The following SLC7A5 variants were observed in gnomAD, a reference collection of about 807,000 sequenced individuals.
SLC7A5 encodes the protein large neutral amino acids transporter small subunit 1.
In SLC7A5, 23 loss-of-function variants were observed where a neutral mutation model predicts 50.2. The ratio of observed to expected loss-of-function variants is 0.46; its 90% CI spans 0.33 to 0.65. The LOEUF (loss-of-function observed/expected upper bound fraction) is 0.65. SLC7A5 is among the 30% of genes least tolerant of loss of function. SLC7A5 has a pLI of 0.02. For synonymous variants in SLC7A5, 393 were observed against 330.6 expected (o/e 1.19, Z -2.05); for missense variants, 578 against 684.4 (o/e 0.84, Z 1.73).
chr16:87,856,812 C>T (rs2055327398), intron 1 of SLC7A5, among the ~76,000 whole-genome samples: 1 of 152,164 alleles, frequency 6.6e-6, no homozygotes. Context: ...CACCATCTCC[C>T]GTGTCATCCC....
At position 87,830,514 on chromosome 16, in the gene SLC7A5, G is replaced by C. The variant is rs1185875059; in HGVS notation, c.*2456C>G. 1.3e-5 allele frequency: 2 copies of C among 152,428 alleles called. No individual in the cohort carries two copies. Among genetic ancestry groups the C allele is most frequent in the African/African-American group, 4.8e-5 (2 of 41,458 alleles). 9.4% of individuals were successfully genotyped at this position (152,428 alleles called of 1,614,324 possible). Reference sequence around the variant, plus strand: ...CCCTGCGGTGGCCCTGGTCCCTGTGGAATTCCAGCACAGCAGGAGGGGGAG... The same window carrying C: ...CCCTGCGGTGGCCCTGGTCCCTGTGCAATTCCAGCACAGCAGGAGGGGGAG... On this transcript the variant is annotated 3_prime_UTR_variant, in exon 10 of 10. Transcript: ENST00000261622.
chr16:87,866,805 G>A (rs949368369), intron 1 of SLC7A5, among the ~76,000 whole-genome samples: 51 of 152,208 alleles, frequency 3.4e-4, no homozygotes, highest in African/African-American at 1.2e-3. Context: ...ATGTATGACT[G>A]ATGTGATTTT....
chr16:87,854,717 T>C (rs1447293177), intron 1 of SLC7A5, among the ~76,000 whole-genome samples: 1 of 152,222 alleles, frequency 6.6e-6, no homozygotes, highest in Admixed American at 6.5e-5. Flanking sequence ...CCCCGTGGCG[T>C]GGCTTGGCTT....
In SLC7A5 at chr16:87,865,632, G is replaced by A. The variant is rs542224378; in HGVS notation, c.538+3253C>T. ...TGAGGCAGGAGAGTCGCTTGAACCC[G>A]GGATGCGGAGGTTGTAGTGAGCCAA... is the stretch of plus-strand genomic sequence containing the variant. On this transcript the variant is annotated intron_variant, in intron 1 of 9. Transcript: ENST00000261622. 3.2e-4 allele frequency among the ~76,000 whole-genome samples: 49 copies of A among 152,138 alleles called. 1 individual carries two copies. The South Asian group carries it at 9.8e-3, about 30-fold the overall frequency.
rs1018331728 is a variant in SLC7A5 at position 87,841,540 on chromosome 16, G to A, written c.665-385C>T. Among the ~76,000 whole-genome samples the A allele has an allele frequency of 3.3e-5, 5 of 152,222 alleles. No homozygotes were observed. The highest frequency in any genetic ancestry group is 2.1e-4 in the South Asian group (1 of 4,834). ...AGGCAGTATAAAGCCAGGAGACCTC[G>A]GTTTGCATCCTGGCTACGGCAACAA... On this transcript the variant is annotated intron_variant, in intron 2 of 9. Coordinates refer to ENST00000261622, the MANE Select transcript of SLC7A5 (RefSeq NM_003486.7). This position sits in a 1 kb window ranked among gnomAD's most constrained non-coding sequence, Gnocchi z 4.8.
In SLC7A5 at chr16:87,852,030, T is replaced by C. The variant is rs2055232551; in HGVS notation, c.539-181A>G. 6.6e-6 allele frequency among the ~76,000 whole-genome samples: 1 copy of C among 152,124 alleles called. No individual in the cohort carries two copies. Among genetic ancestry groups the C allele is most frequent in the African/African-American group, 2.4e-5 (1 of 41,420 alleles). On this transcript the variant is annotated intron_variant, in intron 1 of 9. Coordinates refer to ENST00000261622, the MANE Select transcript of SLC7A5 (RefSeq NM_003486.7). The surrounding 1 kb of genome is among the most constrained non-coding windows in gnomAD (Gnocchi z 4.5). ...ACGTTCTGACTTTCTGAGACCTGTT[T>C]TGATAAACTTCGCAGTCCTTTCAGG... is the stretch of plus-strand genomic sequence containing the variant.
rs534467855 is a variant in SLC7A5, at chr16:87,860,759, T to G, written c.538+8126A>C. Among the ~76,000 whole-genome samples, 12 of 152,282 alleles carry G rather than the reference T, an allele frequency of 7.9e-5. No homozygotes were observed. Among genetic ancestry groups the G allele is most frequent in the South Asian group, 2.1e-4 (1 of 4,830 alleles). On this transcript the variant is annotated intron_variant, in intron 1 of 9. Transcript: ENST00000261622. The surrounding 1 kb of genome is among the most constrained non-coding windows in gnomAD (Gnocchi z 4.8). ...CAGGATGACTCAGCAGGGATCGAGT[T>G]TGCGGGCGTCACGCTCCAAGGCCCA...
In SLC7A5 at chr16:87,869,401, G is replaced by C. The variant is rs998730484; in HGVS notation, c.22C>G (p.Arg8Gly). Residue 8 changes from arginine to glycine, a missense_variant, in exon 1 of 10, where the codon CGG (arginine) becomes GGG (glycine). Around this residue, in one of 2 missense-constraint regions of SLC7A5, gnomAD observed 113 missense variants for 89.8 expected, o/e 1.26. Coordinates refer to ENST00000261622, the MANE Select transcript of SLC7A5 (RefSeq NM_003486.7). Reference protein sequence around the residue: MAGAGPKRRALAAPAAEE... With the variant: MAGAGPKGRALAAPAAEE... ...GCCGCCGGCGCCGCTAGCGCGCGCCGCTTCGGGCCCGCACCCGCCATGCTC... is the reference window on the plus strand; with the variant it reads ...GCCGCCGGCGCCGCTAGCGCGCGCCCCTTCGGGCCCGCACCCGCCATGCTC... 3 of 1,516,526 alleles carry C rather than the reference G, an allele frequency of 2.0e-6. No individual in the cohort carries two copies. Among genetic ancestry groups the C allele is most frequent in the African/African-American group, 1.4e-5 (1 of 72,136 alleles). 93.9% of individuals were successfully genotyped at this position (1,516,526 alleles called of 1,614,324 possible). A position where few individuals can be genotyped will look rare whatever the true frequency, so the allele number is the denominator to read the frequency against.
chr16:87,837,131 G>A (rs1486862800), intron 7 of SLC7A5, among the ~76,000 whole-genome samples: 1 of 152,242 alleles, frequency 6.6e-6, no homozygotes, highest in South Asian at 2.1e-4. Flanking sequence ...TCTAACTCAG[G>A]GAAGGAGTAG....
rs775372860 is a variant in SLC7A5 at position 87,851,828 on chromosome 16, C to T, written c.560G>A (p.Cys187Tyr). 6.2e-7 allele frequency: 1 copy of T among 1,613,096 alleles called. No homozygotes were observed. Among genetic ancestry groups the T allele is most frequent in the Non-Finnish European group, 8.5e-7 (1 of 1,179,982 alleles). The change falls in exon 2 of 10, where the codon TGC becomes TAC. Residue 187 changes from cysteine to tyrosine, a missense_variant. By Grantham distance (194) the Cys-to-Tyr change is radical (BLOSUM62 -2). Around this residue, in one of 2 missense-constraint regions of SLC7A5, gnomAD observed 465 missense variants for 594.6 expected, o/e 0.78. Coordinates refer to ENST00000261622, the MANE Select transcript of SLC7A5 (RefSeq NM_003486.7). ...CCGGGTGGCGGCCTTCACGCTGTAG[C>T]AGTTCACGGCCGTGAGCAGCACTGT... ...LCVLLLTAVN[C>Y]YSVKAATRVQ...
intron 1 of SLC7A5, among the ~76,000 whole-genome samples, chr16:87,864,955 T>A (rs772063525): frequency 1.3e-5 from 2 of 152,252 alleles, no homozygotes; most frequent in Non-Finnish European, 2.9e-5. Context: ...CAGGCCGCCT[T>A]CAGCCAGAGC....
At chr16:87,868,105 G>C (rs2055485828) in intron 1 of SLC7A5, among the ~76,000 whole-genome samples, 2 of 138,924 alleles carry the variant, frequency 1.4e-5, no homozygotes, top group South Asian at 4.6e-4. Flanking sequence ...GACTGAGCGG[G>C]ACTCAGTGTC....
In SLC7A5 at chr16:87,869,112, G is replaced by C; in HGVS notation, c.311C>G (p.Ala104Gly). ...TTTGGAGATGGTGGTGCCGAGCTCC[G>C]CGTAGCAGAGCGCGCCCACGATGGA... is the stretch of plus-strand genomic sequence containing the variant. Reference protein sequence around the residue: ...VFSIVGALCYAELGTTISKSG... With the variant: ...VFSIVGALCYGELGTTISKSG... The change falls in exon 1 of 10, where the codon GCG becomes GGG. Residue 104 changes from alanine to glycine, a missense_variant. Around this residue, in one of 2 missense-constraint regions of SLC7A5, gnomAD observed 465 missense variants for 594.6 expected, o/e 0.78. Transcript: ENST00000261622. 6.2e-7 allele frequency: 1 copy of C among 1,611,796 alleles called. No homozygotes were observed. Among genetic ancestry groups the C allele is most frequent in the Non-Finnish European group, 8.5e-7 (1 of 1,179,774 alleles).
rs553955042 is a variant in SLC7A5 at position 87,862,240 on chromosome 16, C to T, written c.538+6645G>A. ...GCGGTTGGGGGGGTGGTGCTGGACA[C>T]CCAGGGGGCAGATAGAGGCAGCCAG... On this transcript the variant is annotated intron_variant, in intron 1 of 9. Transcript: ENST00000261622. The surrounding 1 kb of genome is among the most constrained non-coding windows in gnomAD (Gnocchi z 5.3). Among the ~76,000 whole-genome samples, 1 of 152,252 alleles carries T rather than the reference C, an allele frequency of 6.6e-6. No homozygotes were observed. Among genetic ancestry groups the T allele is most frequent in the African/African-American group, 2.4e-5 (1 of 41,520 alleles).
chr16:87,858,318 C>CGCAGCATG (rs1173566484), intron 1 of SLC7A5, among the ~76,000 whole-genome samples: 1 of 152,150 alleles, frequency 6.6e-6, no homozygotes, highest in Non-Finnish European at 1.5e-5. Flanking sequence ...GACCAGTCAC[C>CGCAGCATG]GCAGCATGAG....
At chr16:87,867,462 C>T (rs1319943110) in intron 1 of SLC7A5, among the ~76,000 whole-genome samples, 5 of 152,180 alleles carry the variant, frequency 3.3e-5, no homozygotes, top group African/African-American at 1.2e-4. Context: ...CATGGTGGTG[C>T]GGCTGCTCGA....
chr16:87,840,725 GGCCCGCCT>G (rs1340590092), intron 3 of SLC7A5, among the ~76,000 whole-genome samples: 1 of 152,210 alleles, frequency 6.6e-6, no homozygotes, highest in Non-Finnish European at 1.5e-5. Context: ...GTCCCTGTGA[GGCCCGCCT>G]GAGCGCAGGA....
rs1205139759 is a variant in SLC7A5, at chr16:87,862,174, C to A, written c.538+6711G>T. ...AGGGGGGCCCTGGAACAGGCCTGGA[C>A]TGAGAAGCGGGGCTACAGGTTACAG... On this transcript the variant is annotated intron_variant, in intron 1 of 9. Coordinates refer to ENST00000261622, the MANE Select transcript of SLC7A5 (RefSeq NM_003486.7). This position sits in a 1 kb window ranked among gnomAD's most constrained non-coding sequence, Gnocchi z 5.3. 2.0e-5 allele frequency among the ~76,000 whole-genome samples: 3 copies of A among 152,094 alleles called. No individual in the cohort carries two copies. Among genetic ancestry groups the A allele is most frequent in the African/African-American group, 7.2e-5 (3 of 41,412 alleles).
chr16:87,848,267 T>A (rs1182835321), intron 2 of SLC7A5, among the ~76,000 whole-genome samples: 1 of 152,248 alleles, frequency 6.6e-6, no homozygotes, highest in African/African-American at 2.4e-5. Flanking sequence ...AGAGATTAGT[T>A]TGTTCTGCCG....
Sources: allele counts gnomAD v4.1 joint callset (sites outside exome capture counted in the v4.1 genomes callset), GRCh38; gene constraint gnomAD v4.1.1; regional missense constraint gnomAD v4.1.1; non-coding constraint Gnocchi (gnomAD v3.1); transcripts MANE v1.5; gene names NCBI Gene and HGNC (gene_info 2026-07-23, HGNC 2026-07-21).